The following GPATCH11 variants were observed in gnomAD, a reference collection of about 807,000 sequenced individuals.
GPATCH11 encodes the protein G-patch domain containing 11.
In GPATCH11, 32 loss-of-function variants were observed where a neutral mutation model predicts 44.8. The observed-to-expected ratio is 0.71, with a 90% CI of 0.54 to 0.96. The LOEUF (loss-of-function observed/expected upper bound fraction) is 0.96, where lower values mean the gene tolerates loss of function less well. GPATCH11 is among the 40% of genes least tolerant of loss of function. The pLI, the probability that GPATCH11 is intolerant of heterozygous loss-of-function variation, is 0.00. For synonymous variants in GPATCH11, 84 were observed against 94.4 expected (o/e 0.89, Z 0.64); for missense variants, 324 against 303.1 (o/e 1.07, Z -0.51).
At chr2:37,088,552 G>C in intron 2 of GPATCH11, 112 bp downstream of exon 2, 1 of 591,724 alleles carries the variant, frequency 1.7e-6, no homozygotes. Flanking sequence ...GTCTCATTCT[G>C]TTAGCAAGGC....
chr2:37,089,151 A>C (rs1015530710), intron 2 of GPATCH11, among the ~76,000 whole-genome samples: 2 of 152,200 alleles, frequency 1.3e-5, no homozygotes, highest in African/African-American at 4.8e-5. Flanking sequence ...AGCCTTCATC[A>C]TTTCTACTAA....
rs1673153071 is a variant in GPATCH11 at position 37,088,474 on chromosome 2, G to T, written c.59+34G>T. ...ATGTGCACACCCAGTGCAATGATATGTATAAGATGTGTAGATTAAGAAATG... is the reference window on the plus strand; with the variant it reads ...ATGTGCACACCCAGTGCAATGATATTTATAAGATGTGTAGATTAAGAAATG... On this transcript the variant is annotated intron_variant, in intron 2 of 8. Transcript: ENST00000674370. The T allele has an allele frequency of 3.1e-6, 3 of 956,074 alleles. No homozygotes were observed. In the South Asian group the frequency reaches 4.5e-5, roughly 14 times the overall value. The allele number at this position is 956,074 out of a possible 1,614,324, so 59.2% of individuals were successfully genotyped here. A position where few individuals can be genotyped will look rare whatever the true frequency, so the allele number is the denominator to read the frequency against.
chr2:37,091,475 C>T (rs1037959878), intron 4 of GPATCH11, among the ~76,000 whole-genome samples: 21 of 152,132 alleles, frequency 1.4e-4, no homozygotes, highest in African/African-American at 4.6e-4. Flanking sequence ...CGGGACGATT[C>T]CTGGAGCCCA....
At position 37,084,554 on chromosome 2, in the gene GPATCH11, G is replaced by A. The variant is rs568857434; in HGVS notation, c.-30G>A. On this transcript the variant is annotated 5_prime_UTR_variant, in exon 1 of 9. Coordinates refer to ENST00000674370, the MANE Select transcript of GPATCH11 (RefSeq NM_174931.4). ...GCGCTCTACGGCGCTGAACCGGGGC[G>A]AGCAGAGAGCTGTCAGGTAAGAGAG... 6.5e-6 allele frequency: 8 copies of A among 1,232,472 alleles called. No homozygotes were observed. In the Admixed American group the frequency reaches 2.5e-4, roughly 39 times the overall value. 76.3% of individuals were successfully genotyped at this position (1,232,472 alleles called of 1,614,324 possible).
intron 4 of GPATCH11, among the ~76,000 whole-genome samples, chr2:37,091,672 T>G (rs1249892201): frequency 3.3e-5 from 5 of 152,224 alleles, no homozygotes; most frequent in East Asian, 1.9e-4. Context: ...CAGCTAATAC[T>G]GTTTTTCTGA....
chr2:37,094,304 GT>G, intron 7 of GPATCH11, 109 bp downstream of exon 7: 1 of 687,856 alleles, frequency 1.5e-6, no homozygotes, highest in Non-Finnish European at 2.6e-6. Flanking sequence ...ATTGCAAGAT[GT>G]TTAGCAGCAT....
rs375363032 is a variant in GPATCH11, at chr2:37,092,170, G to A, written c.455G>A (p.Arg152Gln). 142 of 1,551,860 alleles carry A rather than the reference G, an allele frequency of 9.2e-5. 1 individual carries two copies. The highest frequency in any genetic ancestry group is 8.6e-4 in the Middle Eastern group (5 of 5,792). The change falls in exon 6 of 9, where the codon CGA becomes CAA. Residue 152 changes from arginine to glutamine, a missense_variant. Arg to Gln is a conservative substitution (Grantham distance 43, BLOSUM62 1). Coordinates refer to ENST00000674370, the MANE Select transcript of GPATCH11 (RefSeq NM_174931.4). Reference sequence around the variant, plus strand: ...CAATTTTTTCTTTCAATTAGAATGCGACTTAAAAATAAGCAAGATGAAATG... The same window carrying A: ...CAATTTTTTCTTTCAATTAGAATGCAACTTAAAAATAAGCAAGATGAAATG... Reference protein sequence around the residue: ...EEKAAEQFRMRLKNKQDEMKL... With the variant: ...EEKAAEQFRMQLKNKQDEMKL...
At position 37,094,135 on chromosome 2, in the gene GPATCH11, T is replaced by C; in HGVS notation, c.594T>C (p.Thr198=). ...ACTGGTTGAGGCTTGAAGAGGAGAC[T>C]GAAGAAGATGAAGAAGAAAAAGAAC... The part of the protein sequence containing the change: ...AWYWLRLEEE[T]EEDEEEKEQD... Residue 198 remains threonine, a synonymous_variant, in exon 7 of 9, where the codon ACT becomes ACC. Transcript: ENST00000674370. 2 of 1,586,854 alleles carry C rather than the reference T, an allele frequency of 1.3e-6. No individual in the cohort carries two copies. Among genetic ancestry groups the C allele is most frequent in the Non-Finnish European group, 1.7e-6 (2 of 1,165,730 alleles).
At position 37,099,134 on chromosome 2, in the gene GPATCH11, A is replaced by G. The variant is rs1673756282; in HGVS notation, c.*2871A>G. 1 of 152,230 alleles carries G rather than the reference A, an allele frequency of 6.6e-6. No individual in the cohort carries two copies. Among genetic ancestry groups the G allele is most frequent in the South Asian group, 2.1e-4 (1 of 4,832 alleles). The allele number at this position is 152,230 out of a possible 1,614,324, so 9.4% of individuals were successfully genotyped here. On this transcript the variant is annotated 3_prime_UTR_variant, in exon 9 of 9. Coordinates refer to ENST00000674370, the MANE Select transcript of GPATCH11 (RefSeq NM_174931.4). ...CAAAGTCCTATCTAGAAATTCTAAAATGTCTAATTTTCTTAATTAAAAATC... is the reference window on the plus strand; with the variant it reads ...CAAAGTCCTATCTAGAAATTCTAAAGTGTCTAATTTTCTTAATTAAAAATC...
chr2:37,090,545 T>C (rs1205412592), intron 3 of GPATCH11, 136 bp from the exon 4 acceptor site: 10 of 594,942 alleles, frequency 1.7e-5, no homozygotes, highest in South Asian at 6.1e-5. Flanking sequence ...AGAATATATA[T>C]AGATGTTCAG....
intron 2 of GPATCH11, 89 bp from the exon 3 acceptor site, chr2:37,089,551 G>C (rs1673206692): frequency 1.0e-6 from 1 of 977,984 alleles, no homozygotes; most frequent in South Asian, 1.7e-5. Context: ...CGGGCAACAA[G>C]AGCGAAACTC....
At chr2:37,086,201 G>A (rs1673033083) in intron 1 of GPATCH11, among the ~76,000 whole-genome samples, 1 of 152,198 alleles carries the variant, frequency 6.6e-6, no homozygotes, top group Non-Finnish European at 1.5e-5. Context: ...ATGACTGGGA[G>A]TCATTTTGGA....
intron 4 of GPATCH11, among the ~76,000 whole-genome samples, chr2:37,091,099 C>T (rs973511732): frequency 6.6e-6 from 1 of 151,968 alleles, no homozygotes; most frequent in Non-Finnish European, 1.5e-5. Context: ...CCGAGGCAGG[C>T]AGATCACCTG....
At chr2:37,095,170 T>A (rs1012840251) in intron 7 of GPATCH11, among the ~76,000 whole-genome samples, 1 of 152,166 alleles carries the variant, frequency 6.6e-6, no homozygotes, top group Admixed American at 6.6e-5. Context: ...CTTTAAAGGA[T>A]GCCAATTTTA....
chr2:37,089,455 T>A (rs1323758944), intron 2 of GPATCH11, among the ~76,000 whole-genome samples, 185 bp from the exon 3 acceptor site: 1 of 151,940 alleles, frequency 6.6e-6, no homozygotes, highest in African/African-American at 2.4e-5. Flanking sequence ...TAATCTCAGT[T>A]ACTCAGGAGG....
intron 4 of GPATCH11, 46 bp downstream of exon 4, chr2:37,090,768 G>A (rs746322698): frequency 1.2e-5 from 11 of 922,122 alleles, no homozygotes; most frequent in Non-Finnish European, 1.7e-5. Flanking sequence ...AATAACTTAC[G>A]CTTAGGTCTA....
In GPATCH11 at chr2:37,096,657, C is replaced by T. The variant is rs1673600087; in HGVS notation, c.*394C>T. 4 of 178,264 alleles carry T rather than the reference C, an allele frequency of 2.2e-5. No homozygotes were observed. The South Asian group carries it at 4.8e-4, about 21-fold the overall frequency. The allele number at this position is 178,264 out of a possible 1,614,324, so 11.0% of individuals were successfully genotyped here. A position where few individuals can be genotyped will look rare whatever the true frequency, so the allele number is the denominator to read the frequency against. On this transcript the variant is annotated 3_prime_UTR_variant, in exon 9 of 9. Transcript: ENST00000674370. ...ACAGAGAAGAAGGTTGACTTTTTCT[C>T]CAGTCAGAGACTGTAATATTTCTCC...
chr2:37,089,549 A>C (rs1673206442), intron 2 of GPATCH11, 91 bp from the exon 3 acceptor site: 2 of 968,516 alleles, frequency 2.1e-6, no homozygotes, highest in South Asian at 1.7e-5. Context: ...CCCGGGCAAC[A>C]AGAGCGAAAC....
chr2:37,089,960 C>T, intron 3 of GPATCH11, 94 bp downstream of exon 3: 7 of 872,334 alleles, frequency 8.0e-6, no homozygotes, highest in Non-Finnish European at 1.1e-5. Flanking sequence ...TTTATCTACA[C>T]AGAAATTATA....
Sources: gnomAD v4.1 joint callset for allele counts (sites outside exome capture counted in the v4.1 genomes callset) on GRCh38, gnomAD v4.1.1 for gene constraint, MANE v1.5 for transcripts, NCBI Gene and HGNC (gene_info 2026-07-23, HGNC 2026-07-21) for gene names.